Variants in RBM27 observed in about 807,000 individuals in gnomAD.
RBM27 encodes the protein RNA-binding protein 27.
A neutral mutation model predicts 135.3 loss-of-function variants in RBM27; 22 were observed. That is an observed-to-expected ratio of 0.16 (90% CI 0.12 to 0.23). The LOEUF (loss-of-function observed/expected upper bound fraction) is 0.23. Among genes scored for constraint, RBM27 ranks in the 10% least tolerant of loss-of-function variants. RBM27 has a pLI of 1.00. For missense variants in RBM27, 1,009 were observed against 1,281.0 expected (o/e 0.79, Z 3.24); for synonymous variants, 481 against 442.4 (o/e 1.09, Z -1.10).
intron 8 of RBM27, among the ~76,000 whole-genome samples, chr5:146,243,355 A>G (rs145384487): frequency 2.0e-5 from 3 of 152,230 alleles, no homozygotes; most frequent in African/African-American, 7.2e-5. Context: ...ACATTGTTCA[A>G]GTTTATTTTT....
At position 146,275,304 on chromosome 5, in the gene RBM27, C is replaced by G. The variant is rs560871230; in HGVS notation, c.2988+3630C>G. ...ATTTTTTTGGAGACGGAGTCTTGCT[C>G]TGTCGCCCAGGCTGGAGTGCAGTGG... On this transcript the variant is annotated intron_variant, in intron 19 of 20. Coordinates refer to ENST00000265271, the MANE Select transcript of RBM27 (RefSeq NM_018989.2). Among the ~76,000 whole-genome samples the G allele has an allele frequency of 2.5e-3, 381 of 151,886 alleles. 4 individuals are homozygous for G. The highest frequency in any genetic ancestry group is 8.9e-3 in the African/African-American group (368 of 41,436).
intron 1 of RBM27, among the ~76,000 whole-genome samples, chr5:146,209,539 A>G (rs977409308): frequency 6.6e-6 from 1 of 152,184 alleles, no homozygotes; most frequent in Non-Finnish European, 1.5e-5. Flanking sequence ...TGATGCATAT[A>G]CTTTGGTTGA....
At chr5:146,255,737 A>AAT in intron 10 of RBM27, among the ~76,000 whole-genome samples, 1 of 152,184 alleles carries the variant, frequency 6.6e-6, no homozygotes, top group Non-Finnish European at 1.5e-5. Context: ...ATGAATTTCC[A>AAT]ATATATAATT....
In RBM27 at chr5:146,251,887, T is replaced by C. The variant is rs1462370228; in HGVS notation, c.1444+12T>C. The stretch of plus-strand genomic sequence containing the variant: ...CCCTCTGGTTCCAGGTAAGCTTTGC[T>C]ACAGATGGCCATCCACCTCACTGAT... On this transcript the variant is annotated intron_variant, in intron 9 of 20. Coordinates refer to ENST00000265271, the MANE Select transcript of RBM27 (RefSeq NM_018989.2). 2.5e-6 allele frequency: 4 copies of C among 1,611,886 alleles called. No individual in the cohort carries two copies. The highest frequency in any genetic ancestry group is 1.7e-5 in the Admixed American group (1 of 59,976).
chr5:146,225,354 C>G (rs1180652111), intron 3 of RBM27, among the ~76,000 whole-genome samples: 4 of 152,130 alleles, frequency 2.6e-5, no homozygotes, highest in Non-Finnish European at 5.9e-5. Context: ...ATTTCCGATT[C>G]ATTTTTAAAT....
intron 15 of RBM27, among the ~76,000 whole-genome samples, chr5:146,268,942 T>C (rs185079625): frequency 3.3e-5 from 5 of 152,354 alleles, no homozygotes; most frequent in African/African-American, 1.2e-4. Context: ...CTTTGGTTTT[T>C]CTTCATAAGG....
intron 19 of RBM27, among the ~76,000 whole-genome samples, chr5:146,283,323 C>T (rs1315036133): frequency 2.0e-5 from 3 of 151,988 alleles, no homozygotes; most frequent in Non-Finnish European, 2.9e-5. Context: ...GAGAATTCCT[C>T]GAGCCCAAGA....
intron 1 of RBM27, 80 bp downstream of exon 1, chr5:146,203,904 TG>T (rs1561516535): frequency 6.8e-6 from 1 of 147,312 alleles, no homozygotes; most frequent in South Asian, 6.4e-5. Context: ...GGAGGTGGCG[TG>T]GGGGGCGGCG....
rs1412464641 is a variant in RBM27, at chr5:146,267,698, TAA to T, written c.2383_2384del (p.Lys795AspfsTer10). 1 of 1,608,182 alleles carries T rather than the reference TAA, an allele frequency of 6.2e-7. No individual in the cohort carries two copies. The highest frequency in any genetic ancestry group is 8.5e-7 in the Non-Finnish European group (1 of 1,176,116). Reference sequence around the variant, plus strand: ...AAAATGATTTACAGCTCCTCAAACTTAAAGACACCTTCAAAGCTCTGTTCAGG... The same window carrying T: ...AAAATGATTTACAGCTCCTCAAACTTAGACACCTTCAAAGCTCTGTTCAGG... On this transcript the variant is annotated frameshift_variant, in exon 15 of 21. Transcript: ENST00000265271. LOFTEE classifies it high-confidence loss of function.
intron 2 of RBM27, 105 bp from the exon 3 acceptor site, chr5:146,223,298 T>C (rs2126723489): frequency 3.0e-6 from 3 of 1,007,546 alleles, no homozygotes; most frequent in Non-Finnish European, 4.2e-6. Context: ...TTAGTCCTAC[T>C]AGCAGTGTAC....
At position 146,227,285 on chromosome 5, in the gene RBM27, A is replaced by G. The variant is rs531292902; in HGVS notation, c.304-1661A>G. Among the ~76,000 whole-genome samples the G allele has an allele frequency of 6.6e-5, 10 of 152,296 alleles. No individual in the cohort carries two copies. In the South Asian group the frequency reaches 1.7e-3, roughly 25 times the overall value. On this transcript the variant is annotated intron_variant, in intron 3 of 20. Transcript: ENST00000265271. ...AAATTTTATTTTGTGAAGAAATTCA[A>G]TCATTTGTCCTGTAGAGTTTTTTAC...
intron 19 of RBM27, among the ~76,000 whole-genome samples, chr5:146,276,255 G>C (rs1035858289): frequency 1.3e-5 from 2 of 151,428 alleles, no homozygotes; most frequent in Non-Finnish European, 2.9e-5. Context: ...TTATTCTACT[G>C]TCATTTCAGT....
At chr5:146,223,376 T>C in intron 2 of RBM27, 27 bp from the exon 3 acceptor site, 1 of 1,558,746 alleles carries the variant, frequency 6.4e-7, no homozygotes, top group Non-Finnish European at 8.6e-7. Flanking sequence ...GTTTGCGCAA[T>C]ATGTAAATGT....
intron 8 of RBM27, among the ~76,000 whole-genome samples, chr5:146,250,172 G>A (rs1029692763): frequency 7.2e-5 from 11 of 152,036 alleles, no homozygotes; most frequent in African/African-American, 2.7e-4. Flanking sequence ...AAAATTCAAG[G>A]CTGGGCGCTG....
chr5:146,258,738 G>T, intron 11 of RBM27, 145 bp downstream of exon 11: 3 of 647,478 alleles, frequency 4.6e-6, no homozygotes, highest in Non-Finnish European at 4.5e-6. Flanking sequence ...TTAGAATGTT[G>T]TAAAAATTAA....
At chr5:146,259,834 G>A (rs1430421872) in intron 11 of RBM27, among the ~76,000 whole-genome samples, 1 of 150,024 alleles carries the variant, frequency 6.7e-6, no homozygotes, top group Non-Finnish European at 1.5e-5. Context: ...TTAGCCGGGC[G>A]CAGTGGCGGG....
At chr5:146,260,104 G>A (rs1479034712) in intron 11 of RBM27, among the ~76,000 whole-genome samples, 3 of 150,804 alleles carry the variant, frequency 2.0e-5, no homozygotes, top group Non-Finnish European at 2.9e-5. Flanking sequence ...TTCAAGACCA[G>A]CCTGGCCAAC....
intron 8 of RBM27, among the ~76,000 whole-genome samples, chr5:146,241,646 A>G (rs544390635): frequency 6.6e-6 from 1 of 152,216 alleles, no homozygotes; most frequent in South Asian, 2.1e-4. Context: ...TTTGGTACAG[A>G]TGGGGTTTCG....
In RBM27 at chr5:146,208,683, T is replaced by G. The variant is rs186915321; in HGVS notation, c.59+4859T>G. 2.2e-3 allele frequency among the ~76,000 whole-genome samples: 332 copies of G among 152,304 alleles called. 4 individuals are homozygous for G. The highest frequency in any genetic ancestry group is 7.8e-3 in the African/African-American group (323 of 41,554). ...CTTTCTGTCAGAAATAACTGCTCAT[T>G]GTAAGAATGTGAACCCCTTTAAAGT... On this transcript the variant is annotated intron_variant, in intron 1 of 20. Transcript: ENST00000265271.
Sources: allele counts gnomAD v4.1 joint callset (sites outside exome capture counted in the v4.1 genomes callset), GRCh38; gene constraint gnomAD v4.1.1; transcripts MANE v1.5; gene names NCBI Gene and HGNC (gene_info 2026-07-23, HGNC 2026-07-21).